Variants in NEDD4L observed in about 807,000 individuals in gnomAD.
The protein encoded by NEDD4L is NEDD4 like E3 ubiquitin protein ligase.
Under a neutral mutation model 148.9 loss-of-function variants are expected in NEDD4L, and 54 were observed. The observed-to-expected ratio is 0.36, with a 90% CI of 0.29 to 0.45. NEDD4L has a LOEUF of 0.45. Ranked by LOEUF, NEDD4L falls within the 20% of genes least tolerant of loss-of-function variation. The pLI, the probability that NEDD4L is intolerant of heterozygous loss-of-function variation, is 1.00. For synonymous variants in NEDD4L, 433 were observed against 440.7 expected (o/e 0.98, Z 0.22); for missense variants, 856 against 1,233.8 (o/e 0.69, Z 4.59).
At chr18:58,342,837 C>T (rs1411812915) in intron 15 of NEDD4L, 69 bp from the exon 16 acceptor site, 3 of 1,277,512 alleles carry the variant, frequency 2.3e-6, no homozygotes, top group East Asian at 2.9e-5. Flanking sequence ...TTCTGCAATA[C>T]CCAGGTACAT....
Position 58,044,475 on chromosome 18 carries a change from G to A in NEDD4L, c.-186G>A. On this transcript the variant is annotated 5_prime_UTR_variant, in exon 1 of 31. Coordinates refer to ENST00000400345, the MANE Select transcript of NEDD4L (RefSeq NM_001144967.3). Reference sequence around the variant, plus strand: ...CCGCAGCCTTCCGGGAGGAAGCGGTGCCGGCAGCGTCCAGGGCGCGCTCTC... The same window carrying A: ...CCGCAGCCTTCCGGGAGGAAGCGGTACCGGCAGCGTCCAGGGCGCGCTCTC... 1 of 680,588 alleles carries A rather than the reference G, an allele frequency of 1.5e-6. No homozygotes were observed. Among genetic ancestry groups the A allele is most frequent in the Non-Finnish European group, 2.0e-6 (1 of 488,574 alleles). The allele number at this position is 680,588 out of a possible 1,614,324, so 42.2% of individuals were successfully genotyped here.
At chr18:58,274,425 T>C (rs1285032077) in intron 5 of NEDD4L, among the ~76,000 whole-genome samples, 1 of 152,188 alleles carries the variant, frequency 6.6e-6, no homozygotes, top group Non-Finnish European at 1.5e-5. Context: ...CTTGGCCCAG[T>C]TGTTTTCCCG....
chr18:58,057,958 C>G (rs2082160656), intron 1 of NEDD4L, among the ~76,000 whole-genome samples: 1 of 152,212 alleles, frequency 6.6e-6, no homozygotes, highest in South Asian at 2.1e-4. Flanking sequence ...TTGTGGGACT[C>G]TGAGTACCCA....
At chr18:58,067,271 C>T (rs2082647044) in intron 1 of NEDD4L, among the ~76,000 whole-genome samples, 1 of 152,132 alleles carries the variant, frequency 6.6e-6, no homozygotes, top group Admixed American at 6.5e-5. Flanking sequence ...ATTCAAATAC[C>T]ATTCTTACAA....
chr18:58,214,082 A>T (rs1481715321), intron 2 of NEDD4L, among the ~76,000 whole-genome samples: 1 of 152,156 alleles, frequency 6.6e-6, no homozygotes, highest in East Asian at 1.9e-4. Context: ...TCTTAGGACC[A>T]CATTCCTGCT....
At chr18:58,228,922 C>A (rs557326649) in intron 2 of NEDD4L, among the ~76,000 whole-genome samples, 1 of 152,192 alleles carries the variant, frequency 6.6e-6, no homozygotes, top group African/African-American at 2.4e-5. Context: ...CTTGCTACTC[C>A]CACCAGCTGT....
chr18:58,373,499 G>A (rs573601262), intron 24 of NEDD4L, among the ~76,000 whole-genome samples: 1 of 152,194 alleles, frequency 6.6e-6, no homozygotes, highest in Non-Finnish European at 1.5e-5. Flanking sequence ...AGGCCTTGGG[G>A]CATGAACCAG....
chr18:58,118,267 C>T (rs752014934), intron 1 of NEDD4L, among the ~76,000 whole-genome samples: 2 of 152,226 alleles, frequency 1.3e-5, no homozygotes, highest in African/African-American at 2.4e-5. Flanking sequence ...TCTGGTAAGG[C>T]GCTGCTTGCG....
intron 2 of NEDD4L, among the ~76,000 whole-genome samples, chr18:58,213,193 A>G (rs372122954): frequency 3.8e-4 from 58 of 152,382 alleles, no homozygotes; most frequent in African/African-American, 1.4e-3. Context: ...ATTAAAATAA[A>G]AAACTATCAT....
chr18:58,391,539 A>G lies in NEDD4L; in HGVS notation c.2805A>G (p.Lys935=), dbSNP rs1602057667. 2 of 1,579,584 alleles carry G rather than the reference A, an allele frequency of 1.3e-6. No individual in the cohort carries two copies. Among genetic ancestry groups the G allele is most frequent in the Non-Finnish European group, 1.7e-6 (2 of 1,161,528 alleles). Residue 935 remains lysine, a synonymous_variant, in exon 30 of 31, where the codon AAA becomes AAG. Coordinates refer to ENST00000400345, the MANE Select transcript of NEDD4L (RefSeq NM_001144967.3). Reference sequence around the variant, plus strand: ...TAGAGCAATGGGGCAGTCCTGAGAAACTGCCCAGAGCTCACACATGGTGAG... The same window carrying G: ...TAGAGCAATGGGGCAGTCCTGAGAAGCTGCCCAGAGCTCACACATGGTGAG... ...FTIEQWGSPE[K]LPRAHTCFNR...
At chr18:58,158,647 G>A (rs2035810191) in intron 1 of NEDD4L, among the ~76,000 whole-genome samples, 1 of 152,180 alleles carries the variant, frequency 6.6e-6, no homozygotes, top group African/African-American at 2.4e-5. Flanking sequence ...TCTGCTTGTT[G>A]ACAGCATTGT....
chr18:58,113,851 C>G (rs1390240031), intron 1 of NEDD4L, among the ~76,000 whole-genome samples: 3 of 151,898 alleles, frequency 2.0e-5, no homozygotes, highest in Non-Finnish European at 4.4e-5. Context: ...AGAATAGATG[C>G]AGGGGGACAA....
intron 1 of NEDD4L, among the ~76,000 whole-genome samples, chr18:58,057,240 C>G (rs1248617983): frequency 1.8e-5 from 2 of 111,976 alleles, no homozygotes; most frequent in African/African-American, 6.5e-5. Flanking sequence ...TAATATTACA[C>G]CTGAAAGGAG....
intron 1 of NEDD4L, among the ~76,000 whole-genome samples, chr18:58,078,724 G>A (rs1196942398): frequency 6.6e-6 from 1 of 152,218 alleles, no homozygotes; most frequent in Non-Finnish European, 1.5e-5. Flanking sequence ...TGAGGTGAAA[G>A]TGATGTGGGG....
At chr18:58,083,186 C>T (rs984067899) in intron 1 of NEDD4L, among the ~76,000 whole-genome samples, 1 of 152,088 alleles carries the variant, frequency 6.6e-6, no homozygotes, top group African/African-American at 2.4e-5. Context: ...AAGAATGGCC[C>T]AGTTAGTGGT....
intron 18 of NEDD4L, among the ~76,000 whole-genome samples, chr18:58,352,855 A>G (rs535940133): frequency 6.6e-6 from 1 of 152,194 alleles, no homozygotes; most frequent in Non-Finnish European, 1.5e-5. Context: ...AGGTCCCCCT[A>G]AAAAGAATGT....
intron 1 of NEDD4L, among the ~76,000 whole-genome samples, chr18:58,081,483 A>G (rs59313495): frequency 0.1 from 15,480 of 151,904 alleles, 915 homozygotes; most frequent in Middle Eastern, 0.19. Context: ...CCAAAGTGCT[A>G]CGATTACAGG....
intron 1 of NEDD4L, among the ~76,000 whole-genome samples, chr18:58,086,779 T>C (rs1013332259): frequency 2.0e-5 from 3 of 152,262 alleles, no homozygotes; most frequent in African/African-American, 7.2e-5. Flanking sequence ...TTATCTAATG[T>C]TGTGTAACAA....
At chr18:58,313,346 C>T (rs753139167) in intron 5 of NEDD4L, among the ~76,000 whole-genome samples, 10 of 152,132 alleles carry the variant, frequency 6.6e-5, no homozygotes, top group Non-Finnish European at 1.5e-5. Context: ...TCAGGGAATT[C>T]GGTAAACTGT....
Sources: allele counts gnomAD v4.1 joint callset (sites outside exome capture counted in the v4.1 genomes callset), GRCh38; gene constraint gnomAD v4.1.1; transcripts MANE v1.5; gene names NCBI Gene and HGNC (gene_info 2026-07-23, HGNC 2026-07-21).